NOS1AP: variants seen among roughly 807,000 people sequenced by gnomAD.
NOS1AP encodes the protein nitric oxide synthase 1 adaptor protein.
A neutral mutation model predicts 56.2 loss-of-function variants in NOS1AP; 21 were observed. The ratio of observed to expected loss-of-function variants is 0.37; its 90% confidence interval spans 0.26 to 0.54. NOS1AP has a LOEUF of 0.54. NOS1AP is among the 20% of genes least tolerant of loss of function. NOS1AP has a pLI of 0.84. For synonymous variants in NOS1AP, 270 were observed against 274.6 expected, an observed-to-expected ratio of 0.98 and a Z score of 0.17; for missense variants, 522 against 657.8, an observed-to-expected ratio of 0.79 and a Z score of 2.26.
intron 2 of NOS1AP, among the ~76,000 whole-genome samples, chr1:162,229,224 C>T (rs1023463214): frequency 3.9e-5 from 6 of 152,096 alleles, no homozygotes; most frequent in African/African-American, 1.2e-4. Flanking sequence ...AGAATAGGAA[C>T]CAGGCCTGTG....
intron 2 of NOS1AP, among the ~76,000 whole-genome samples, chr1:162,286,970 T>A (rs1655106245): frequency 6.6e-6 from 1 of 152,214 alleles, no homozygotes. Flanking sequence ...GAGGATGGAA[T>A]GTAGTTTCTG....
intron 2 of NOS1AP, among the ~76,000 whole-genome samples, chr1:162,258,339 C>G (rs187918281): frequency 6.6e-6 from 1 of 152,238 alleles, no homozygotes; most frequent in East Asian, 1.9e-4. Context: ...ACTCCTTACC[C>G]CTGTATCTCA....
intron 2 of NOS1AP, among the ~76,000 whole-genome samples, chr1:162,276,842 G>A (rs1654748053): frequency 6.6e-6 from 1 of 152,158 alleles, no homozygotes; most frequent in Non-Finnish European, 1.5e-5. Context: ...TTGATTTGGG[G>A]CCATCTTAAG....
At chr1:162,179,074 C>T (rs544532205) in intron 2 of NOS1AP, among the ~76,000 whole-genome samples, 2 of 151,926 alleles carry the variant, frequency 1.3e-5, no homozygotes, top group Admixed American at 1.3e-4. Flanking sequence ...GTCATTAGCT[C>T]ATCTCCTGGA....
intron 2 of NOS1AP, among the ~76,000 whole-genome samples, chr1:162,280,888 G>A (rs905691265): frequency 2.6e-5 from 4 of 152,112 alleles, no homozygotes; most frequent in African/African-American, 9.7e-5. Context: ...TGTTGGTCAT[G>A]CTGGCATTTC....
intron 5 of NOS1AP, among the ~76,000 whole-genome samples, chr1:162,333,513 C>T (rs1183865264): frequency 1.3e-5 from 2 of 152,166 alleles, no homozygotes; most frequent in Non-Finnish European, 1.5e-5. Context: ...CTGGTTTAGA[C>T]TCAGTGTGTG....
intron 4 of NOS1AP, among the ~76,000 whole-genome samples, chr1:162,327,500 G>A (rs1250557141): frequency 5.3e-5 from 8 of 152,122 alleles, no homozygotes; most frequent in African/African-American, 1.7e-4. Flanking sequence ...ATTGCTCCTG[G>A]GCAGAATTCT....
intron 2 of NOS1AP, among the ~76,000 whole-genome samples, chr1:162,239,145 T>C (rs1264501132): frequency 3.3e-5 from 5 of 152,234 alleles, no homozygotes; most frequent in Admixed American, 6.5e-5. Flanking sequence ...CAACTTTTAC[T>C]GGTTATGATT....
At chr1:162,294,062 CG>C (rs1482225813) in intron 3 of NOS1AP, among the ~76,000 whole-genome samples, 25 of 152,076 alleles carry the variant, frequency 1.6e-4, no homozygotes, top group African/African-American at 5.8e-4. Flanking sequence ...CAGTGTTAAA[CG>C]CCTGTGGGAG....
intron 2 of NOS1AP, among the ~76,000 whole-genome samples, chr1:162,200,218 C>T (rs1283591336): frequency 2.6e-5 from 4 of 152,162 alleles, no homozygotes; most frequent in African/African-American, 7.2e-5. Context: ...AGAGCACATA[C>T]GTGTGCACAG....
intron 6 of NOS1AP, among the ~76,000 whole-genome samples, chr1:162,349,744 T>C (rs1189002521): frequency 6.6e-6 from 1 of 152,180 alleles, no homozygotes; most frequent in Non-Finnish European, 1.5e-5. Flanking sequence ...ATCTGTACAG[T>C]GAGGGAGCTA....
At chr1:162,077,994 C>T (rs368074130) in intron 1 of NOS1AP, among the ~76,000 whole-genome samples, 2 of 152,158 alleles carry the variant, frequency 1.3e-5, no homozygotes, top group African/African-American at 4.8e-5. Flanking sequence ...TCTTCCTGAG[C>T]TGCCTGTCCT....
rs1213124846 is a variant in NOS1AP at position 162,146,962 on chromosome 1, G to GT, written c.106-7442dup. Among the ~76,000 whole-genome samples, 7 of 152,206 alleles carry GT rather than the reference G, an allele frequency of 4.6e-5. No individual in the cohort carries two copies. In the South Asian group the frequency reaches 1.0e-3, roughly 23 times the overall value. On this transcript the variant is annotated intron_variant, in intron 1 of 9. Coordinates refer to ENST00000361897, the MANE Select transcript of NOS1AP (RefSeq NM_014697.3). Reference sequence around the variant, plus strand: ...TGTTCAGAGTTCCTATTTGTTACTTGTGGGAGGCTTAGTCTGATACTAGCT... The same window carrying GT: ...TGTTCAGAGTTCCTATTTGTTACTTGTTGGGAGGCTTAGTCTGATACTAGCT...
intron 2 of NOS1AP, among the ~76,000 whole-genome samples, chr1:162,247,225 C>T (rs1323293227): frequency 2.0e-5 from 3 of 152,118 alleles, no homozygotes; most frequent in Non-Finnish European, 4.4e-5. Flanking sequence ...GCATTTTCTC[C>T]CCTTGCCTCT....
chr1:162,317,371 C>T (rs957023928), intron 4 of NOS1AP: 5 of 152,108 alleles, frequency 3.3e-5, no homozygotes, highest in East Asian at 3.8e-4. Flanking sequence ...CGTACACACA[C>T]GTGCACATAC....
chr1:162,142,040 T>G lies in NOS1AP; in HGVS notation c.106-12365T>G, dbSNP rs374009261. ...TTTGTACTGGGCGCTCAGGATACAG[T>G]GGTGACAACAACAGTTATACCTTGG... On this transcript the variant is annotated intron_variant, in intron 1 of 9. Transcript: ENST00000361897. 1.8e-4 allele frequency among the ~76,000 whole-genome samples: 26 copies of G among 148,104 alleles called. 2 individuals are homozygous for G. Among genetic ancestry groups the G allele is most frequent in the African/African-American group, 6.5e-4 (25 of 38,692 alleles).
chr1:162,139,160 C>G (rs901420210), intron 1 of NOS1AP, among the ~76,000 whole-genome samples: 3 of 152,122 alleles, frequency 2.0e-5, no homozygotes, highest in African/African-American at 7.2e-5. Flanking sequence ...CGGGTTTTGA[C>G]CTCATTCCCT....
At chr1:162,217,965 C>T (rs1231917386) in intron 2 of NOS1AP, among the ~76,000 whole-genome samples, 2 of 152,140 alleles carry the variant, frequency 1.3e-5, no homozygotes, top group African/African-American at 4.8e-5. Flanking sequence ...GTTTCCATCT[C>T]ATAAATAATC....
intron 1 of NOS1AP, among the ~76,000 whole-genome samples, chr1:162,131,494 T>C (rs1648745026): frequency 1.3e-5 from 2 of 151,494 alleles, no homozygotes; most frequent in African/African-American, 4.8e-5. Context: ...CTTTATTATA[T>C]TAGCTGTTGA....
Sources: gnomAD v4.1 joint callset for allele counts (sites outside exome capture counted in the v4.1 genomes callset) on GRCh38, gnomAD v4.1.1 for gene constraint, MANE v1.5 for transcripts, NCBI Gene and HGNC (gene_info 2026-07-23, HGNC 2026-07-21) for gene names.